The following PARD3 variants were observed in gnomAD, a reference collection of about 807,000 sequenced individuals.
The protein encoded by PARD3 is par-3 family cell polarity regulator.
PARD3 carries 75 observed loss-of-function variants against 155.4 expected under a neutral mutation model. The observed-to-expected ratio is 0.48, with a 90% CI of 0.40 to 0.58. The LOEUF (loss-of-function observed/expected upper bound fraction) is 0.58. Among genes scored for constraint, PARD3 ranks in the 20% least tolerant of loss-of-function variants. The probability of loss-of-function intolerance (pLI) is 0.00; values close to 1 mark genes in which losing one functional copy is unlikely to be tolerated. For missense variants in PARD3, 1,642 were observed against 1,721.7 expected, an observed-to-expected ratio of 0.95 and a Z score of 0.82; for synonymous variants, 576 against 610.5, an observed-to-expected ratio of 0.94 and a Z score of 0.83.
chr10:34,137,515 G>A (rs1006698809), intron 22 of PARD3, among the ~76,000 whole-genome samples: 3 of 152,198 alleles, frequency 2.0e-5, no homozygotes, highest in African/African-American at 7.2e-5. Flanking sequence ...TAATCAATAT[G>A]TGTTGTTTTA....
At chr10:34,145,241 T>TTTTTA (rs1948448997) in intron 22 of PARD3, among the ~76,000 whole-genome samples, 1 of 118,456 alleles carries the variant, frequency 8.4e-6, no homozygotes, top group East Asian at 2.6e-4. Flanking sequence ...TTTTTTTTTT[T>TTTTTA]ACAGGATCTT....
Position 34,741,174 on chromosome 10 carries a change from A to ATTTTTTTTTTTTTT in PARD3, c.121-44769_121-44756dup, listed in dbSNP as rs71033345. ...CAACTGCTGTGTTTTCGTAAACCAA[A>ATTTTTTTTTTTTTT]TTTTTTTTTTTTTTTTTTTTGTTTG... On this transcript the variant is annotated intron_variant, in intron 1 of 24. Transcript: ENST00000374788. Among the ~76,000 whole-genome samples the ATTTTTTTTTTTTTT allele has an allele frequency of 3.9e-3, 447 of 114,284 alleles. 6 individuals are homozygous for ATTTTTTTTTTTTTT. The highest frequency in any genetic ancestry group is 0.019 in the East Asian group (65 of 3,418). The allele number at this position is 114,284 out of a possible 152,430, so 75.0% of individuals were successfully genotyped here. A position where few individuals can be genotyped will look rare whatever the true frequency, so the allele number is the denominator to read the frequency against.
At chr10:34,470,987 A>G (rs544943012) in intron 3 of PARD3, among the ~76,000 whole-genome samples, 1 of 152,316 alleles carries the variant, frequency 6.6e-6, no homozygotes, top group East Asian at 1.9e-4. Flanking sequence ...TATTCTCCGT[A>G]AATACATAAA....
At chr10:34,447,655 A>T (rs78273806) in intron 5 of PARD3, among the ~76,000 whole-genome samples, 5 of 150,944 alleles carry the variant, frequency 3.3e-5, no homozygotes, top group African/African-American at 1.2e-4. Flanking sequence ...ACAAAAAAAA[A>T]TTAGCTGGGC....
intron 2 of PARD3, among the ~76,000 whole-genome samples, chr10:34,685,511 G>A (rs140091408): frequency 1.2e-4 from 18 of 152,140 alleles, no homozygotes; most frequent in Middle Eastern, 3.4e-3. Context: ...TAAGCCACAT[G>A]TGCACAAAGG....
chr10:34,491,677 T>C (rs1437209057), intron 3 of PARD3, among the ~76,000 whole-genome samples: 4 of 152,184 alleles, frequency 2.6e-5, no homozygotes, highest in African/African-American at 9.7e-5. Context: ...AAACAATAAT[T>C]CTCTATTTAG....
intron 21 of PARD3, among the ~76,000 whole-genome samples, chr10:34,276,812 C>T (rs1313033253): frequency 6.6e-5 from 10 of 152,106 alleles, no homozygotes. Context: ...CCTCCATTTC[C>T]AAAGCTATGA....
At chr10:34,639,668 G>A (rs1466299299) in intron 2 of PARD3, among the ~76,000 whole-genome samples, 2 of 152,124 alleles carry the variant, frequency 1.3e-5, no homozygotes, top group African/African-American at 4.8e-5. Flanking sequence ...GACCAGCCCG[G>A]GCAACAGAGC....
At chr10:34,456,039 A>G (rs920997617) in intron 4 of PARD3, among the ~76,000 whole-genome samples, 10 of 152,242 alleles carry the variant, frequency 6.6e-5, no homozygotes, top group African/African-American at 2.4e-4. Flanking sequence ...AGGTATGGAA[A>G]AGACAAATGA....
At chr10:34,314,834 C>T (rs1396479023) in intron 20 of PARD3, among the ~76,000 whole-genome samples, 1 of 152,130 alleles carries the variant, frequency 6.6e-6, no homozygotes, top group Non-Finnish European at 1.5e-5. Context: ...ATTACCTTTG[C>T]TTTTTAGATA....
chr10:34,547,624 T>C (rs1589965051), intron 2 of PARD3, among the ~76,000 whole-genome samples: 1 of 152,160 alleles, frequency 6.6e-6, no homozygotes, highest in African/African-American at 2.4e-5. Flanking sequence ...AGTACTTGGG[T>C]GAGTTCCCGA....
At chr10:34,704,956 A>C (rs895216071) in intron 1 of PARD3, among the ~76,000 whole-genome samples, 4 of 152,198 alleles carry the variant, frequency 2.6e-5, no homozygotes, top group Admixed American at 1.3e-4. Flanking sequence ...AAAACACTTC[A>C]TTTTAAAAAG....
At chr10:34,470,746 AT>A (rs1467925206) in intron 3 of PARD3, among the ~76,000 whole-genome samples, 1 of 152,256 alleles carries the variant, frequency 6.6e-6, no homozygotes, top group African/African-American at 2.4e-5. Flanking sequence ...CATTTAAAAA[AT>A]AATGAATCTA....
intron 2 of PARD3, among the ~76,000 whole-genome samples, chr10:34,543,494 G>A (rs2083805256): frequency 6.6e-6 from 1 of 152,160 alleles, no homozygotes; most frequent in African/African-American, 2.4e-5. Flanking sequence ...AGTTCTTGTT[G>A]AACTTTTCTT....
chr10:34,763,657 C>G (rs983213452), intron 1 of PARD3, among the ~76,000 whole-genome samples: 5 of 152,170 alleles, frequency 3.3e-5, no homozygotes, highest in Non-Finnish European at 7.3e-5. Flanking sequence ...ATTTACAGCC[C>G]ATTTCTAACC....
chr10:34,186,429 A>C (rs954933317), intron 22 of PARD3, among the ~76,000 whole-genome samples: 2 of 151,012 alleles, frequency 1.3e-5, no homozygotes, highest in Non-Finnish European at 2.9e-5. Context: ...AAACACTGGG[A>C]TTTTCAGGTG....
chr10:34,203,199 A>G (rs938794978), intron 22 of PARD3, among the ~76,000 whole-genome samples: 1 of 152,140 alleles, frequency 6.6e-6, no homozygotes, highest in African/African-American at 2.4e-5. Context: ...CTCTGTTTCT[A>G]TTTGCCTCCG....
intron 5 of PARD3, among the ~76,000 whole-genome samples, chr10:34,415,767 C>T (rs544408134): frequency 1.3e-5 from 2 of 152,210 alleles, no homozygotes; most frequent in South Asian, 4.1e-4. Context: ...CCAAATCTAC[C>T]CATCAACAAA....
intron 2 of PARD3, among the ~76,000 whole-genome samples, chr10:34,677,589 AAG>A (rs2093732679): frequency 6.6e-6 from 1 of 152,202 alleles, no homozygotes; most frequent in Admixed American, 6.5e-5. Context: ...ATAAACCATT[AAG>A]AGATATTCCC....
Sources: allele counts gnomAD v4.1 joint callset (sites outside exome capture counted in the v4.1 genomes callset), GRCh38; gene constraint gnomAD v4.1.1; transcripts MANE v1.5; gene names NCBI Gene and HGNC (gene_info 2026-07-23, HGNC 2026-07-21).